Variants in MYO7B observed in about 807,000 individuals in gnomAD.
MYO7B encodes the protein unconventional myosin-VIIb.
A neutral mutation model predicts 259.7 loss-of-function variants in MYO7B; 212 were observed. The observed-to-expected ratio is 0.82, with a 90% CI of 0.73 to 0.91. The LOEUF is 0.91. Among genes scored for constraint, MYO7B ranks in the 40% least tolerant of loss-of-function variants. The pLI is 0.00. For synonymous variants in MYO7B, 1,197 were observed against 1,166.4 expected, an observed-to-expected ratio of 1.03 and a Z score of -0.54; for missense variants, 2,732 against 2,813.5, an observed-to-expected ratio of 0.97 and a Z score of 0.66.
intron 26 of MYO7B, among the ~76,000 whole-genome samples, chr2:127,617,260 C>A (rs953672217): frequency 6.6e-6 from 1 of 152,204 alleles, no homozygotes; most frequent in African/African-American, 2.4e-5. Flanking sequence ...TCCTTCCTCT[C>A]CCGTTCACCA....
At chr2:127,600,712 A>G (rs776200140) in intron 19 of MYO7B, among the ~76,000 whole-genome samples, 88 of 152,346 alleles carry the variant, frequency 5.8e-4, no homozygotes, top group Admixed American at 7.2e-4. Flanking sequence ...CTCTGTCTCA[A>G]AAAAACAAAA....
Position 127,558,856 on chromosome 2 carries a change from G to A in MYO7B, c.-23-844G>A, listed in dbSNP as rs61031366. On this transcript the variant is annotated intron_variant, in intron 1 of 47. Coordinates refer to ENST00000409816, the MANE Select transcript of MYO7B (RefSeq NM_001393586.1). ...AGCTAAGCTATGAGGATGCAAAGGT[G>A]TAAGAATGATACAATGGACTTTGGG... Among the ~76,000 whole-genome samples the A allele has an allele frequency of 9.4e-3, 1,426 of 152,286 alleles. 27 individuals are homozygous for A. Among genetic ancestry groups the A allele is most frequent in the African/African-American group, 0.033 (1,368 of 41,548 alleles).
Position 127,627,369 on chromosome 2 carries a change from G to A in MYO7B, c.4460+59G>A. 9.5e-6 allele frequency: 15 copies of A among 1,585,272 alleles called. No homozygotes were observed. The highest frequency in any genetic ancestry group is 1.3e-5 in the Non-Finnish European group (15 of 1,162,630). ...ACTGAGTCCTTGTGATGCATCTGGGGGCTCGGGGAGAGATGGGGAGAGGGG... is the reference window on the plus strand; with the variant it reads ...ACTGAGTCCTTGTGATGCATCTGGGAGCTCGGGGAGAGATGGGGAGAGGGG... On this transcript the variant is annotated intron_variant, in intron 33 of 47. Transcript: ENST00000409816. The surrounding 1 kb of genome is among the most constrained non-coding windows in gnomAD (Gnocchi z 5.6).
At chr2:127,610,676 A>T (rs1680349597) in intron 24 of MYO7B, among the ~76,000 whole-genome samples, 1 of 152,258 alleles carries the variant, frequency 6.6e-6, no homozygotes, top group Non-Finnish European at 1.5e-5. Flanking sequence ...GACAGCACTC[A>T]GTGGCCCGCC....
rs1692747319 is a variant in MYO7B, at chr2:127,535,760, T to C, written c.-95T>C. On this transcript the variant is annotated 5_prime_UTR_variant, in exon 1 of 48. Transcript: ENST00000409816. This position sits in a 1 kb window ranked among gnomAD's most constrained non-coding sequence, Gnocchi z 4.8. ...ACACACCCGGAGTCCCAACATTGCCTCCTTTCCTGGCTCTTTCAGGGTGCC... is the reference window on the plus strand; with the variant it reads ...ACACACCCGGAGTCCCAACATTGCCCCCTTTCCTGGCTCTTTCAGGGTGCC... 6.6e-6 allele frequency: 1 copy of C among 152,208 alleles called. No individual in the cohort carries two copies. The highest frequency in any genetic ancestry group is 2.4e-5 in the African/African-American group (1 of 41,408). The allele number at this position is 152,208 out of a possible 1,614,324, so 9.4% of individuals were successfully genotyped here. A position where few individuals can be genotyped will look rare whatever the true frequency, so the allele number is the denominator to read the frequency against.
intron 1 of MYO7B, among the ~76,000 whole-genome samples, chr2:127,538,268 A>AG (rs1484013488): frequency 1.3e-5 from 2 of 151,462 alleles, no homozygotes; most frequent in Admixed American, 6.6e-5. Flanking sequence ...AATACGGTTG[A>AG]GGGGGGTGGT....
chr2:127,548,905 T>C lies in MYO7B; in HGVS notation c.-23-10795T>C, dbSNP rs565274361. ...AACATTTTGGGCTTTTCCAGTTATC[T>C]TTCTGTTATTGATTTCTAGTTTAAT... On this transcript the variant is annotated intron_variant, in intron 1 of 47. Coordinates refer to ENST00000409816, the MANE Select transcript of MYO7B (RefSeq NM_001393586.1). 2.0e-5 allele frequency among the ~76,000 whole-genome samples: 3 copies of C among 152,368 alleles called. No homozygotes were observed. In the East Asian group the frequency reaches 5.8e-4, roughly 29 times the overall value.
intron 1 of MYO7B, among the ~76,000 whole-genome samples, chr2:127,555,756 G>C (rs1693612368): frequency 6.6e-6 from 1 of 152,176 alleles, no homozygotes; most frequent in African/African-American, 2.4e-5. Context: ...TGTGGTCTGA[G>C]AGAGTACTTG....
Position 127,631,246 on chromosome 2 carries a change from C to T in MYO7B, c.4978C>T (p.Leu1660=). 1 of 1,610,794 alleles carries T rather than the reference C, an allele frequency of 6.2e-7. No individual in the cohort carries two copies. The highest frequency in any genetic ancestry group is 8.5e-7 in the Non-Finnish European group (1 of 1,178,472). Residue 1660 remains leucine, a synonymous_variant, in exon 37 of 48, where the codon CTG becomes TTG. Transcript: ENST00000409816. ...KDMVSMAVLP[L]ARARGHLWAY... is the part of the protein sequence containing the mutation. ...CATGGTGAGCATGGCCGTGCTGCCC[C>T]TGGCCCGTGCCCGTGGCCACCTGTG... is the stretch of plus-strand genomic sequence containing the variant.
At chr2:127,631,824 G>A in intron 38 of MYO7B, 71 bp downstream of exon 38, 18 of 1,549,936 alleles carry the variant, frequency 1.2e-5, no homozygotes, top group Non-Finnish European at 1.6e-5. Flanking sequence ...GCCAGACCGA[G>A]GCTCAGAGAG....
rs1681454228 is a variant in MYO7B, at chr2:127,630,915, C to T, written c.4937+7C>T. ...TCTCCTATGAGTTCTTCAGGTGCCC[C>T]CCAGCCCCGCTCCGCCTCATTGCAC... On this transcript the variant is annotated splice_region_variant and intron_variant, in intron 36 of 47. Transcript: ENST00000409816. 1.9e-6 allele frequency: 3 copies of T among 1,559,802 alleles called. No individual in the cohort carries two copies. The highest frequency in any genetic ancestry group is 1.4e-5 in the African/African-American group (1 of 73,522).
rs888980316 is a variant in MYO7B, at chr2:127,631,779, C to T, written c.5249+26C>T. 10 of 1,606,568 alleles carry T rather than the reference C, an allele frequency of 6.2e-6. No homozygotes were observed. The Admixed American group carries it at 6.7e-5, about 11-fold the overall frequency. On this transcript the variant is annotated intron_variant, in intron 38 of 47. Coordinates refer to ENST00000409816, the MANE Select transcript of MYO7B (RefSeq NM_001393586.1). ...GTCTGCTGGGGCGGCGGCCAGCCCA[C>T]GCGGGCACCCTCAGTCCTCATCCCG...
At chr2:127,624,970 G>T (rs950355647) in intron 30 of MYO7B, among the ~76,000 whole-genome samples, 1 of 152,220 alleles carries the variant, frequency 6.6e-6, no homozygotes, top group Admixed American at 6.5e-5. Flanking sequence ...AGAGGCTTTG[G>T]TCTTCCAGAG....
Position 127,636,456 on chromosome 2 carries a change from G to C in MYO7B, c.6124-89G>C. The C allele has an allele frequency of 7.0e-7, 1 of 1,429,304 alleles. No homozygotes were observed. Among genetic ancestry groups the C allele is most frequent in the Non-Finnish European group, 9.7e-7 (1 of 1,029,468 alleles). The allele number at this position is 1,429,304 out of a possible 1,614,324, so 88.5% of individuals were successfully genotyped here. ...GAGGCTGGAGGGCGTGGGTGTATGT[G>C]TGTATGTGCGTGTGGCCTAGATGAG... On this transcript the variant is annotated intron_variant, in intron 45 of 47. Coordinates refer to ENST00000409816, the MANE Select transcript of MYO7B (RefSeq NM_001393586.1). This position sits in a 1 kb window ranked among gnomAD's most constrained non-coding sequence, Gnocchi z 4.5.
Position 127,564,409 on chromosome 2 carries a change from G to A in MYO7B, c.132+143G>A, listed in dbSNP as rs746850360. Reference sequence around the variant, plus strand: ...CCTGGGTGGCAGGACAGATCACGGTGGAGTCCTGCCATGGAGAACATGGCC... The same window carrying A: ...CCTGGGTGGCAGGACAGATCACGGTAGAGTCCTGCCATGGAGAACATGGCC... On this transcript the variant is annotated intron_variant, in intron 3 of 47. Transcript: ENST00000409816. 75 of 578,310 alleles carry A rather than the reference G, an allele frequency of 1.3e-4. 1 individual carries two copies. The highest frequency in any genetic ancestry group is 2.2e-4 in the Non-Finnish European group (72 of 326,948). 35.8% of individuals were successfully genotyped at this position (578,310 alleles called of 1,614,324 possible).
At chr2:127,593,022 T>G (rs953562559) in intron 17 of MYO7B, 76 bp downstream of exon 17, 11 of 1,510,524 alleles carry the variant, frequency 7.3e-6, no homozygotes, top group Non-Finnish European at 9.9e-6. Flanking sequence ...CAGCCCCCAG[T>G]ACCGAGGGGG....
chr2:127,559,870 G>A lies in MYO7B; in HGVS notation c.18+130G>A. ...AAAATACCAGAGACAGGGGAGTTTA[G>A]GAAACACGACAGATTCTAGCATCTA... On this transcript the variant is annotated intron_variant, in intron 2 of 47. Transcript: ENST00000409816. This position sits in a 1 kb window ranked among gnomAD's most constrained non-coding sequence, Gnocchi z 4.1. 1 of 1,094,462 alleles carries A rather than the reference G, an allele frequency of 9.1e-7. No individual in the cohort carries two copies. The allele number at this position is 1,094,462 out of a possible 1,614,324, so 67.8% of individuals were successfully genotyped here. A position where few individuals can be genotyped will look rare whatever the true frequency, so the allele number is the denominator to read the frequency against.
At chr2:127,598,004 C>T (rs1166080911) in intron 19 of MYO7B, among the ~76,000 whole-genome samples, 2 of 152,100 alleles carry the variant, frequency 1.3e-5, no homozygotes, top group Non-Finnish European at 2.9e-5. Context: ...TTTGTTTAAC[C>T]ATTCACCTGT....
rs1277985957 is a variant in MYO7B, at chr2:127,636,048, A to G, written c.6006+141A>G. ...AGGGTGGGCTGGCTCTGCACACACC[A>G]CGCCTTCCTATGCCATCCACAGCAC... On this transcript the variant is annotated intron_variant, in intron 44 of 47. Transcript: ENST00000409816. The surrounding 1 kb of genome is among the most constrained non-coding windows in gnomAD (Gnocchi z 4.5). 1 of 1,118,326 alleles carries G rather than the reference A, an allele frequency of 8.9e-7. No individual in the cohort carries two copies. The highest frequency in any genetic ancestry group is 1.3e-6 in the Non-Finnish European group (1 of 787,212). 69.3% of individuals were successfully genotyped at this position (1,118,326 alleles called of 1,614,324 possible). A position where few individuals can be genotyped will look rare whatever the true frequency, so the allele number is the denominator to read the frequency against.
Sources: gnomAD v4.1 joint callset for allele counts (sites outside exome capture counted in the v4.1 genomes callset) on GRCh38, gnomAD v4.1.1 for gene constraint, Gnocchi (gnomAD v3.1) non-coding constraint, MANE v1.5 for transcripts, NCBI Gene and HGNC (gene_info 2026-07-23, HGNC 2026-07-21) for gene names.